Variants in GPHN observed in about 807,000 individuals in gnomAD.
The protein encoded by GPHN is gephyrin.
GPHN carries 17 observed loss-of-function variants against 95.5 expected under a neutral mutation model. That is an observed-to-expected ratio of 0.18 (90% CI 0.12 to 0.27). The LOEUF is 0.27. GPHN is among the 10% of genes least tolerant of loss of function. The pLI, the probability that GPHN is intolerant of heterozygous loss-of-function variation, is 1.00. For synonymous variants in GPHN, 320 were observed against 322.5 expected (o/e 0.99, Z 0.08); for missense variants, 660 against 978.1 (o/e 0.67, Z 4.34).
intron 2 of GPHN, among the ~76,000 whole-genome samples, chr14:66,720,137 C>G (rs757046720): frequency 3.3e-5 from 5 of 152,022 alleles, no homozygotes; most frequent in African/African-American, 1.2e-4. Flanking sequence ...ATTATGAATA[C>G]TGTAGTATCA....
At chr14:66,747,187 C>A (rs1001866354) in intron 2 of GPHN, among the ~76,000 whole-genome samples, 22 of 152,086 alleles carry the variant, frequency 1.4e-4, no homozygotes, top group African/African-American at 5.3e-4. Context: ...AGATAAGTCT[C>A]TAGCCAGGTT....
At chr14:67,608,200 T>A in the GPHN span, among the ~76,000 whole-genome samples, 1 of 151,940 alleles carries the variant, frequency 6.6e-6, no homozygotes, top group Non-Finnish European at 1.5e-5. Flanking sequence ...GCCATGTTCA[T>A]GCCACTGCAC....
At chr14:67,673,259 G>A in the GPHN span, among the ~76,000 whole-genome samples, 1 of 152,098 alleles carries the variant, frequency 6.6e-6, no homozygotes, top group African/African-American at 2.4e-5. Flanking sequence ...CAGGAGAATT[G>A]CTTCAATCTG....
At chr14:66,836,412 C>T (rs1407195076) in intron 4 of GPHN, among the ~76,000 whole-genome samples, 1 of 144,838 alleles carries the variant, frequency 6.9e-6, no homozygotes, top group Non-Finnish European at 1.5e-5. Flanking sequence ...GAAACTGGAT[C>T]CCTTCCTTAC....
chr14:66,811,359 A>T (rs1314957413), intron 3 of GPHN, among the ~76,000 whole-genome samples: 1 of 152,144 alleles, frequency 6.6e-6, no homozygotes, highest in Non-Finnish European at 1.5e-5. Flanking sequence ...ATGTGTGTGT[A>T]TTTTTTTATG....
the GPHN span, among the ~76,000 whole-genome samples, chr14:67,245,486 C>G: frequency 3.3e-5 from 5 of 151,922 alleles, no homozygotes; most frequent in Non-Finnish European, 7.4e-5. Flanking sequence ...GGATTATTGT[C>G]TTATTGCTGA....
At chr14:66,721,797 A>G (rs1014064956) in intron 2 of GPHN, among the ~76,000 whole-genome samples, 1 of 151,996 alleles carries the variant, frequency 6.6e-6, no homozygotes, top group Admixed American at 6.6e-5. Context: ...TCAAAAATAC[A>G]AAAATTAGCT....
chr14:66,792,026 C>T (rs118072159), intron 3 of GPHN, among the ~76,000 whole-genome samples: 1,796 of 152,280 alleles, frequency 0.012, 18 homozygotes, highest in Non-Finnish European at 0.018. Flanking sequence ...CATCATGTCT[C>T]ATGAGATTTA....
chr14:66,558,348 GT>G (rs1419904933), intron 1 of GPHN, among the ~76,000 whole-genome samples: 6 of 152,100 alleles, frequency 3.9e-5, no homozygotes, highest in African/African-American at 1.4e-4. Flanking sequence ...CTGAAATACA[GT>G]GAGGAAAATA....
chr14:66,981,001 A>T (rs1407769461), intron 9 of GPHN, among the ~76,000 whole-genome samples: 1 of 152,222 alleles, frequency 6.6e-6, no homozygotes, highest in Non-Finnish European at 1.5e-5. Context: ...GTGAGCCGAG[A>T]TTGCGCCATT....
intron 4 of GPHN, among the ~76,000 whole-genome samples, chr14:66,847,628 A>G (rs912531650): frequency 3.3e-5 from 5 of 151,888 alleles, no homozygotes; most frequent in Non-Finnish European, 5.9e-5. Context: ...CAAATCATCT[A>G]TTTTTTCTTT....
the GPHN span, chr14:67,562,524 A>G: frequency 6.2e-7 from 1 of 1,610,234 alleles, no homozygotes; most frequent in East Asian, 2.2e-5. Flanking sequence ...CCTGGGACAA[A>G]GACCTCTGCC....
At chr14:67,693,724 C>A in the GPHN span, among the ~76,000 whole-genome samples, 1 of 150,278 alleles carries the variant, frequency 6.7e-6, no homozygotes, top group Non-Finnish European at 1.5e-5. Context: ...TCTCGGCTCA[C>A]TGCAACCTCC....
Position 66,700,236 on chromosome 14 carries a change from AGAGATTGAG to A in GPHN, c.143+19053_143+19061del, listed in dbSNP as rs143434655. Among the ~76,000 whole-genome samples the A allele has an allele frequency of 3.9e-4, 60 of 152,328 alleles. 1 individual carries two copies. The highest frequency in any genetic ancestry group is 1.4e-3 in the African/African-American group (60 of 41,580). On this transcript the variant is annotated intron_variant, in intron 2 of 22. Coordinates refer to ENST00000478722, the MANE Select transcript of GPHN (RefSeq NM_020806.5). Reference sequence around the variant, plus strand: ...CTATTTGTTTTTAGGGGAGGAGGTGAGAGATTGAGGTGGGACTATACATTTTCAAAGAGA... The same window carrying A: ...CTATTTGTTTTTAGGGGAGGAGGTGAGTGGGACTATACATTTTCAAAGAGA...
the GPHN span, chr14:67,614,851 T>C: frequency 6.6e-6 from 1 of 152,042 alleles, no homozygotes; most frequent in African/African-American, 2.4e-5. Flanking sequence ...TGAGGTTTTT[T>C]TTTTTTGTGT....
the GPHN span, chr14:67,616,688 T>C: frequency 2.0e-5 from 3 of 151,682 alleles, no homozygotes; most frequent in Non-Finnish European, 2.9e-5. Context: ...TTTCAGATTT[T>C]TTTTTTTTTT....
intron 1 of GPHN, among the ~76,000 whole-genome samples, chr14:66,580,805 C>T (rs1031863971): frequency 4.0e-5 from 6 of 151,598 alleles, no homozygotes; most frequent in African/African-American, 1.5e-4. Context: ...TGAGAGAAAA[C>T]TTCAAACTCA....
At chr14:67,587,183 G>A in the GPHN span, 81 of 1,613,804 alleles carry the variant, frequency 5.0e-5, no homozygotes, top group African/African-American at 6.9e-4. Context: ...CTGGATGGAC[G>A]ACAGTTCTTT....
intron 4 of GPHN, among the ~76,000 whole-genome samples, chr14:66,856,216 G>C (rs550281160): frequency 7.7e-4 from 117 of 152,258 alleles, no homozygotes; most frequent in African/African-American, 2.7e-3. Context: ...CCATATGGAA[G>C]TTAAGATGTG....
Sources: allele counts gnomAD v4.1 joint callset (sites outside exome capture counted in the v4.1 genomes callset), GRCh38; gene constraint gnomAD v4.1.1; transcripts MANE v1.5; gene names NCBI Gene and HGNC (gene_info 2026-07-23, HGNC 2026-07-21).